The following ACACA variants were observed in gnomAD, a reference collection of about 807,000 sequenced individuals.
ACACA encodes acetyl-CoA carboxylase 1.
A neutral mutation model predicts 296.1 loss-of-function variants in ACACA; 103 were observed. The ratio of observed to expected loss-of-function variants is 0.35; its 90% CI spans 0.30 to 0.41. The LOEUF (loss-of-function observed/expected upper bound fraction) is 0.41. Ranked by LOEUF, ACACA falls within the 10% of genes least tolerant of loss-of-function variation. The pLI, the probability that ACACA is intolerant of heterozygous loss-of-function variation, is 1.00. For synonymous variants in ACACA, 953 were observed against 1,038.6 expected (o/e 0.92, Z 1.58); for missense variants, 1,554 against 2,989.7 (o/e 0.52, Z 11.20).
intron 3 of ACACA, among the ~76,000 whole-genome samples, chr17:37,309,268 C>T (rs1198075552): frequency 6.6e-6 from 1 of 152,064 alleles, no homozygotes; most frequent in Non-Finnish European, 1.5e-5. Flanking sequence ...TCAAGCAAAC[C>T]TCCTGCTTTA....
intron 41 of ACACA, among the ~76,000 whole-genome samples, chr17:37,177,362 C>T (rs1020593944): frequency 6.6e-6 from 1 of 151,636 alleles, no homozygotes; most frequent in East Asian, 1.9e-4. Context: ...GCAGAGTAAA[C>T]ACTACATGTT....
chr17:37,196,601 C>T (rs1220378227), intron 35 of ACACA, among the ~76,000 whole-genome samples: 4 of 150,558 alleles, frequency 2.7e-5, no homozygotes, highest in African/African-American at 9.8e-5. Flanking sequence ...CCAAACTTTG[C>T]TGAAAAAAAT....
intron 41 of ACACA, among the ~76,000 whole-genome samples, chr17:37,164,951 T>C (rs954046474): frequency 3.9e-5 from 6 of 152,180 alleles, no homozygotes; most frequent in African/African-American, 1.4e-4. Flanking sequence ...CTTTCATTAC[T>C]ACCTGGGGAC....
At chr17:37,277,765 T>G (rs2082340680) in intron 6 of ACACA, 131 bp downstream of exon 6, 1 of 704,270 alleles carries the variant, frequency 1.4e-6, no homozygotes, top group African/African-American at 1.8e-5. Flanking sequence ...TTGGTTTAGT[T>G]ATCCCATACA....
intron 45 of ACACA, among the ~76,000 whole-genome samples, chr17:37,137,669 A>G (rs550264499): frequency 6.6e-6 from 1 of 152,336 alleles, no homozygotes; most frequent in East Asian, 1.9e-4. Context: ...GGCTTTCTGA[A>G]GCAAAAGGAG....
rs1426968398 is a variant in ACACA at position 37,260,282 on chromosome 17, ATATATATATATATATTTTTTT to A, written c.1330-773_1330-753del. 3.8e-3 allele frequency among the ~76,000 whole-genome samples: 136 copies of A among 35,602 alleles called. 14 individuals carry two copies. Among genetic ancestry groups the A allele is most frequent in the African/African-American group, 0.015 (101 of 6,716 alleles). 23.4% of individuals were successfully genotyped at this position (35,602 alleles called of 152,430 possible). A position where few individuals can be genotyped will look rare whatever the true frequency, so the allele number is the denominator to read the frequency against. ...TATATATATATATATATATATATAT[ATATATATATATATATTTTTTT>A]TTTTTTTTTTTTTGGAGATGGAGTC... On this transcript the variant is annotated intron_variant, in intron 11 of 55. Transcript: ENST00000616317.
intron 52 of ACACA, among the ~76,000 whole-genome samples, chr17:37,109,231 C>CTA (rs1482548227): frequency 2.6e-5 from 4 of 152,212 alleles, no homozygotes; most frequent in African/African-American, 9.6e-5. Context: ...AGAGACAGGA[C>CTA]TATACTTCTG....
intron 1 of ACACA, among the ~76,000 whole-genome samples, chr17:37,351,046 A>G (rs1367596809): frequency 6.6e-6 from 1 of 152,236 alleles, no homozygotes; most frequent in African/African-American, 2.4e-5. Flanking sequence ...AACCTGAGGC[A>G]GGAGAATTGC....
At chr17:37,222,111 A>G (rs2079322512) in intron 28 of ACACA, 1 of 486,490 alleles carries the variant, frequency 2.1e-6, no homozygotes, top group African/African-American at 1.9e-5. Context: ...ACTAACCTAA[A>G]CCCTGGAGAA....
At chr17:37,354,696 C>T (rs78984897) in intron 1 of ACACA, among the ~76,000 whole-genome samples, 18,955 of 151,518 alleles carry the variant, frequency 0.13, 1,810 homozygotes, top group East Asian at 0.45. Flanking sequence ...AGGCTGAAGT[C>T]GGAGGATCAC....
chr17:37,179,292 C>T lies in ACACA; in HGVS notation c.5047G>A (p.Val1683Ile). 6.2e-7 allele frequency: 1 copy of T among 1,614,064 alleles called. No individual in the cohort carries two copies. The highest frequency in any genetic ancestry group is 8.5e-7 in the Non-Finnish European group (1 of 1,180,006). The stretch of plus-strand genomic sequence containing the variant: ...CCTCCTGGAAGCCTGTTCATGTGGA[C>T]CAGCTGACCTTGATCATCCAGTACC... ...ELVLDDQGQL[V>I]HMNRLPGGNE... Residue 1683 changes from valine to isoleucine, a missense_variant, in exon 41 of 56, where the codon GTC becomes ATC. By Grantham distance (29) the Val-to-Ile change is conservative. Transcript: ENST00000616317.
intron 1 of ACACA, among the ~76,000 whole-genome samples, chr17:37,352,559 GA>G (rs938776663): frequency 4.0e-4 from 58 of 144,984 alleles, no homozygotes; most frequent in Admixed American, 1.1e-3. Flanking sequence ...CCAAAATTAA[GA>G]AAAAAAAAAA....
At position 37,111,592 on chromosome 17, in the gene ACACA, C is replaced by T; in HGVS notation, c.6504G>A (p.Lys2168=). ...CCCGACGCATGGTTTTCACCAGATC[C>T]TTTCTGCGGAATTTGATTTCTACTG... The part of the protein sequence containing the change: ...EGTVEIKFRR[K]DLVKTMRRVD... The change falls in exon 52 of 56, where the codon AAG becomes AAA. Residue 2168 remains lysine (K), a synonymous_variant. Transcript: ENST00000616317. 1 of 1,614,208 alleles carries T rather than the reference C, an allele frequency of 6.2e-7. No homozygotes were observed. Among genetic ancestry groups the T allele is most frequent in the Non-Finnish European group, 8.5e-7 (1 of 1,180,034 alleles).
At chr17:37,391,633 C>G in intron 1 of ACACA, 1 of 1,611,854 alleles carries the variant, frequency 6.2e-7, no homozygotes, top group Non-Finnish European at 8.5e-7. Context: ...TTCATATTTC[C>G]TTTCAATCTC....
chr17:37,319,511 T>C (rs2147103682), intron 3 of ACACA, among the ~76,000 whole-genome samples: 1 of 152,276 alleles, frequency 6.6e-6, no homozygotes, highest in Admixed American at 6.5e-5. Flanking sequence ...GCTTCTTTAA[T>C]AAAGCATGAT....
chr17:37,316,345 G>T (rs1217076947), intron 3 of ACACA, among the ~76,000 whole-genome samples: 1 of 125,202 alleles, frequency 8.0e-6, no homozygotes, highest in African/African-American at 3.5e-5. Context: ...CCCTAACTTT[G>T]CTAGCCTTTT....
intron 1 of ACACA, among the ~76,000 whole-genome samples, chr17:37,359,284 G>A (rs1231275068): frequency 6.6e-6 from 1 of 152,276 alleles, no homozygotes; most frequent in South Asian, 2.1e-4. Flanking sequence ...GGGCCGCCGG[G>A]GGGCGAGGCG....
intron 29 of ACACA, among the ~76,000 whole-genome samples, chr17:37,217,752 A>C (rs946322222): frequency 0.027 from 3,516 of 132,510 alleles, 247 homozygotes; most frequent in African/African-American, 0.092. Flanking sequence ...AAAAAAAAAA[A>C]AAAAAAAAAA....
In ACACA at chr17:37,391,654, A is replaced by G. The variant is rs2050891951; in HGVS notation, c.38+14608T>C. On this transcript the variant is annotated intron_variant, in intron 1 of 55. Transcript: ENST00000616317. Reference sequence around the variant, plus strand: ...TTTCCTTTCAATCTCTAGGTTGGACAAGATGCTGCCAATTCATCAAACCCA... The same window carrying G: ...TTTCCTTTCAATCTCTAGGTTGGACGAGATGCTGCCAATTCATCAAACCCA... 6.2e-6 allele frequency: 10 copies of G among 1,613,668 alleles called. No individual in the cohort carries two copies. The East Asian group carries it at 2.2e-4, about 36-fold the overall frequency.
Sources: gnomAD v4.1 joint callset for allele counts (sites outside exome capture counted in the v4.1 genomes callset) on GRCh38, gnomAD v4.1.1 for gene constraint, MANE v1.5 for transcripts, NCBI Gene and HGNC (gene_info 2026-07-23, HGNC 2026-07-21) for gene names.